PDZRN4: variants seen among roughly 807,000 people sequenced by gnomAD.
PDZRN4 encodes the protein PDZ domain containing ring finger 4.
PDZRN4 carries 70 observed loss-of-function variants against 99.0 expected under a neutral mutation model. The ratio of observed to expected loss-of-function variants is 0.71; its 90% CI spans 0.58 to 0.86. The LOEUF is 0.86. PDZRN4 is among the 40% of genes least tolerant of loss of function. PDZRN4 has a pLI of 0.00. For missense variants in PDZRN4, 1,474 were observed against 1,331.2 expected (o/e 1.11, Z -1.67); for synonymous variants, 551 against 501.6 (o/e 1.10, Z -1.32).
chr12:41,192,918 C>G (rs975666666), intron 2 of PDZRN4, among the ~76,000 whole-genome samples: 2 of 152,140 alleles, frequency 1.3e-5, no homozygotes, highest in African/African-American at 4.8e-5. Flanking sequence ...TTCACCGTAA[C>G]TGGAAAAAGG....
chr12:41,239,912 T>C (rs183663896), intron 3 of PDZRN4, among the ~76,000 whole-genome samples: 32 of 152,270 alleles, frequency 2.1e-4, no homozygotes, highest in African/African-American at 7.7e-4. Context: ...AGAAAAGATA[T>C]TTGATAGTAT....
Position 41,245,833 on chromosome 12 carries a change from G to C in PDZRN4, c.843+51645G>C, listed in dbSNP as rs570415998. Among the ~76,000 whole-genome samples the C allele has an allele frequency of 3.9e-5, 6 of 152,280 alleles. No homozygotes were observed. In the South Asian group the frequency reaches 1.2e-3, roughly 32 times the overall value. ...TAAAATGGAGAGCAAAAGAAGGGCA[G>C]CCCCACCCTTATGTCACATCTGCCC... On this transcript the variant is annotated intron_variant, in intron 3 of 9. Coordinates refer to ENST00000402685, the MANE Select transcript of PDZRN4 (RefSeq NM_001164595.2).
chr12:41,437,963 A>C (rs1565582666), intron 3 of PDZRN4: 1 of 1,614,086 alleles, frequency 6.2e-7, no homozygotes, highest in Non-Finnish European at 8.5e-7. Context: ...CAATTTGTGC[A>C]CTTTTCAGAA....
chr12:41,269,183 C>G (rs1269489632), intron 3 of PDZRN4, among the ~76,000 whole-genome samples: 1 of 152,128 alleles, frequency 6.6e-6, no homozygotes, highest in Non-Finnish European at 1.5e-5. Flanking sequence ...TGCTAGTGTC[C>G]ATGAAAATGG....
At chr12:41,267,137 GAC>G (rs1207141969) in intron 3 of PDZRN4, among the ~76,000 whole-genome samples, 1 of 152,128 alleles carries the variant, frequency 6.6e-6, no homozygotes, top group Non-Finnish European at 1.5e-5. Flanking sequence ...AACCTATCCA[GAC>G]TTTGGCTATC....
At position 41,191,743 on chromosome 12, in the gene PDZRN4, A is replaced by ATTTT. The variant is rs1379939166; in HGVS notation, c.735+200_735+203dup. ...TGCAAATATTCCAGTACATACCCAG[A>ATTTT]TTTTATTTATTTATTTATTTATTTA... On this transcript the variant is annotated intron_variant, in intron 2 of 9. Transcript: ENST00000402685. Among the ~76,000 whole-genome samples, 7 of 122,118 alleles carry ATTTT rather than the reference A, an allele frequency of 5.7e-5. No homozygotes were observed. The South Asian group carries it at 1.2e-3, about 21-fold the overall frequency. 80.1% of individuals were successfully genotyped at this position (122,118 alleles called of 152,430 possible).
chr12:41,468,745 A>T, intron 3 of PDZRN4, among the ~76,000 whole-genome samples: 1 of 152,220 alleles, frequency 6.6e-6, no homozygotes, highest in Non-Finnish European at 1.5e-5. Context: ...TAATTTACAA[A>T]ATTAAATGTC....
intron 3 of PDZRN4, among the ~76,000 whole-genome samples, chr12:41,195,926 T>C (rs987312256): frequency 1.3e-5 from 2 of 152,142 alleles, no homozygotes; most frequent in Admixed American, 1.3e-4. Flanking sequence ...TGGAACTGAA[T>C]ACATATATTG....
Position 41,271,597 on chromosome 12 carries a change from C to CA in PDZRN4, c.843+77409_843+77410insA, listed in dbSNP as rs549212347. On this transcript the variant is annotated intron_variant, in intron 3 of 9. Coordinates refer to ENST00000402685, the MANE Select transcript of PDZRN4 (RefSeq NM_001164595.2). ...TTGTTCCTAGCAAGCATCTGTTCTTCCACATTCTTGTATAGTTTAACTCAA... is the reference window on the plus strand; with the variant it reads ...TTGTTCCTAGCAAGCATCTGTTCTTCACACATTCTTGTATAGTTTAACTCAA... Among the ~76,000 whole-genome samples, 119 of 152,216 alleles carry CA rather than the reference C, an allele frequency of 7.8e-4. 1 individual carries two copies. The highest frequency in any genetic ancestry group is 2.8e-3 in the African/African-American group (115 of 41,560).
chr12:41,517,553 C>T (rs1387072025), intron 5 of PDZRN4, among the ~76,000 whole-genome samples: 1 of 152,002 alleles, frequency 6.6e-6, no homozygotes, highest in Non-Finnish European at 1.5e-5. Context: ...TTTTCAGAGG[C>T]AATAAAATAG....
At chr12:41,461,442 T>A (rs1167590773) in intron 3 of PDZRN4, among the ~76,000 whole-genome samples, 1 of 152,126 alleles carries the variant, frequency 6.6e-6, no homozygotes, top group East Asian at 1.9e-4. Flanking sequence ...CATCATTACA[T>A]GTGGTATTTG....
intron 3 of PDZRN4, among the ~76,000 whole-genome samples, chr12:41,443,767 A>G (rs1194237237): frequency 6.6e-6 from 1 of 152,166 alleles, no homozygotes; most frequent in Non-Finnish European, 1.5e-5. Flanking sequence ...GTTTACAGAG[A>G]GAAGAAATAA....
intron 3 of PDZRN4, among the ~76,000 whole-genome samples, chr12:41,455,244 A>G (rs1038484919): frequency 1.3e-5 from 2 of 152,224 alleles, no homozygotes; most frequent in Non-Finnish European, 2.9e-5. Context: ...AGTATAAAAT[A>G]TGAATCCCAT....
rs1402982932 is a variant in PDZRN4 at position 41,509,887 on chromosome 12, G to A, written c.1177G>A (p.Asp393Asn). 6 of 1,588,298 alleles carry A rather than the reference G, an allele frequency of 3.8e-6. No individual in the cohort carries two copies. Among genetic ancestry groups the A allele is most frequent in the South Asian group, 2.2e-5 (2 of 89,858 alleles). Reference protein sequence around the residue: ...EYISSLPADADRTEDFEYEEV... With the variant: ...EYISSLPADANRTEDFEYEEV... ...TATTTCCAGCTTGCCTGCTGATGCA[G>A]ACAGAACAGAAGACTTTGAATATGA... is the stretch of plus-strand genomic sequence containing the variant. The change falls in exon 5 of 10, where the codon GAC becomes AAC. Residue 393 changes from aspartate to asparagine, a missense_variant. Physicochemically the swap from Asp to Asn is conservative, Grantham distance 23. Coordinates refer to ENST00000402685, the MANE Select transcript of PDZRN4 (RefSeq NM_001164595.2).
chr12:41,329,782 A>G (rs1440516873), intron 3 of PDZRN4, among the ~76,000 whole-genome samples: 1 of 152,074 alleles, frequency 6.6e-6, no homozygotes, highest in African/African-American at 2.4e-5. Flanking sequence ...AACTCCACTA[A>G]ATTTATGAGA....
chr12:41,560,366 C>A lies in PDZRN4; in HGVS notation c.1366-3182C>A, dbSNP rs76372752. Among the ~76,000 whole-genome samples the A allele has an allele frequency of 4.3e-3, 654 of 152,202 alleles. 7 individuals carry two copies. The East Asian group carries it at 0.044, about 10-fold the overall frequency. The stretch of plus-strand genomic sequence containing the variant: ...TTTTAGGGCTTTACACACACACATA[C>A]AAAACACACTCATACACACATACAG... On this transcript the variant is annotated intron_variant, in intron 7 of 9. Transcript: ENST00000402685.
intron 3 of PDZRN4, among the ~76,000 whole-genome samples, chr12:41,255,568 GTTT>G (rs1431266415): frequency 1.3e-5 from 2 of 152,138 alleles, no homozygotes; most frequent in Non-Finnish European, 2.9e-5. Flanking sequence ...GAGGGAACCT[GTTT>G]TTATTACATT....
chr12:41,360,298 G>A (rs544918812), intron 3 of PDZRN4, among the ~76,000 whole-genome samples: 207 of 152,028 alleles, frequency 1.4e-3, no homozygotes, highest in Admixed American at 3.9e-3. Context: ...GATTTCTTTT[G>A]CTTAACTCAA....
At chr12:41,341,038 G>T (rs1951812265) in intron 3 of PDZRN4, among the ~76,000 whole-genome samples, 2 of 151,840 alleles carry the variant, frequency 1.3e-5, no homozygotes, top group African/African-American at 4.8e-5. Flanking sequence ...TTTATCCAGG[G>T]ATTCAAGGAT....
Sources: allele counts gnomAD v4.1 joint callset (sites outside exome capture counted in the v4.1 genomes callset), GRCh38; gene constraint gnomAD v4.1.1; transcripts MANE v1.5; gene names NCBI Gene and HGNC (gene_info 2026-07-23, HGNC 2026-07-21).